Variants in UGT1A10 observed in about 807,000 individuals in gnomAD.
UGT1A10 encodes the protein UDP-glucuronosyltransferase 1A10.
Under a neutral mutation model 45.8 loss-of-function variants are expected in UGT1A10, and 49 were observed. The ratio of observed to expected loss-of-function variants is 1.07; its 90% CI spans 0.85 to 1.36. The LOEUF is 1.36. Ranked by LOEUF, UGT1A10 falls within the 40% of genes most tolerant of loss-of-function variation. The pLI, the probability that UGT1A10 is intolerant of heterozygous loss-of-function variation, is 0.00. For synonymous variants in UGT1A10, 284 were observed against 249.7 expected (o/e 1.14, Z -1.29); for missense variants, 745 against 668.6 (o/e 1.11, Z -1.26).
At chr2:233,688,707 CAA>C (rs2074910962) in intron 1 of UGT1A10, among the ~76,000 whole-genome samples, 1 of 152,136 alleles carries the variant, frequency 6.6e-6, no homozygotes, top group South Asian at 2.1e-4. Flanking sequence ...CTTCATTGAA[CAA>C]ATATCTGTTG....
chr2:233,747,536 G>T (rs1693706230), intron 1 of UGT1A10: 1 of 1,605,072 alleles, frequency 6.2e-7, no homozygotes, highest in Non-Finnish European at 8.5e-7. Flanking sequence ...ATTTTCTGAA[G>T]ACATTTTCTA....
chr2:233,661,153 C>T (rs2073955632), intron 1 of UGT1A10, among the ~76,000 whole-genome samples: 1 of 145,632 alleles, frequency 6.9e-6, no homozygotes. Flanking sequence ...GATGTAATGA[C>T]TCTAGTTTCA....
At chr2:233,659,382 T>C (rs1268857849) in intron 1 of UGT1A10, among the ~76,000 whole-genome samples, 1 of 152,208 alleles carries the variant, frequency 6.6e-6, no homozygotes, top group Non-Finnish European at 1.5e-5. Flanking sequence ...TTTGATATGC[T>C]TTATGTGTTA....
chr2:233,640,413 A>C (rs1253320908), intron 1 of UGT1A10, among the ~76,000 whole-genome samples: 1 of 152,078 alleles, frequency 6.6e-6, no homozygotes, highest in Non-Finnish European at 1.5e-5. Flanking sequence ...AATAAGTAAA[A>C]TTTGTTACAC....
At chr2:233,654,246 T>C (rs1199731420) in intron 1 of UGT1A10, among the ~76,000 whole-genome samples, 2 of 152,200 alleles carry the variant, frequency 1.3e-5, no homozygotes, top group Non-Finnish European at 2.9e-5. Context: ...ATTGTGATTT[T>C]TGGGATTTTA....
chr2:233,698,597 G>A (rs966031058), intron 1 of UGT1A10, among the ~76,000 whole-genome samples: 17 of 152,070 alleles, frequency 1.1e-4, no homozygotes, highest in African/African-American at 3.1e-4. Context: ...CAAGAAATTC[G>A]GATTAATAAA....
rs961447661 is a variant in UGT1A10 at position 233,681,811 on chromosome 2, A to G, written c.855+44434A>G. ...AGTAAATCATTGGCAGTGAATGTGA[A>G]TTTTTTTTTAAATGAATGAATAAGT... On this transcript the variant is annotated intron_variant, in intron 1 of 4. Transcript: ENST00000344644. 4.0e-6 allele frequency: 6 copies of G among 1,488,146 alleles called. No individual in the cohort carries two copies. In the Admixed American group the frequency reaches 1.4e-4, roughly 35 times the overall value. The allele number at this position is 1,488,146 out of a possible 1,614,324, so 92.2% of individuals were successfully genotyped here.
At chr2:233,718,319 T>C (rs1258120850) in intron 1 of UGT1A10, among the ~76,000 whole-genome samples, 1 of 152,270 alleles carries the variant, frequency 6.6e-6, no homozygotes, top group Non-Finnish European at 1.5e-5. Flanking sequence ...TAGAGAAAGC[T>C]GGCTTAGCAA....
chr2:233,711,832 G>A (rs536118368), intron 1 of UGT1A10, among the ~76,000 whole-genome samples: 12 of 152,322 alleles, frequency 7.9e-5, no homozygotes, highest in Non-Finnish European at 1.8e-4. Context: ...AGGACAAGGA[G>A]GCGTCAGCAA....
At chr2:233,764,688 C>G (rs530219647) in intron 1 of UGT1A10, among the ~76,000 whole-genome samples, 2 of 152,144 alleles carry the variant, frequency 1.3e-5, no homozygotes, top group Non-Finnish European at 2.9e-5. Context: ...ACTTGAAGAG[C>G]ACTTGGAAAT....
chr2:233,661,314 C>T (rs1328978967), intron 1 of UGT1A10, among the ~76,000 whole-genome samples: 1 of 152,080 alleles, frequency 6.6e-6, no homozygotes, highest in East Asian at 1.9e-4. Flanking sequence ...GTGGGCTGTG[C>T]ACACCATGGT....
At chr2:233,699,324 G>C (rs2075498732) in intron 1 of UGT1A10, among the ~76,000 whole-genome samples, 1 of 152,040 alleles carries the variant, frequency 6.6e-6, no homozygotes, top group Non-Finnish European at 1.5e-5. Context: ...CTATTTTGTT[G>C]AGTTTCATCC....
At chr2:233,765,900 A>G (rs1255156851) in intron 1 of UGT1A10, among the ~76,000 whole-genome samples, 1 of 152,060 alleles carries the variant, frequency 6.6e-6, no homozygotes, top group Non-Finnish European at 1.5e-5. Flanking sequence ...GCCACTGCTC[A>G]AACCTCTAGG....
intron 1 of UGT1A10, among the ~76,000 whole-genome samples, chr2:233,704,562 T>C (rs1206655848): frequency 6.6e-6 from 1 of 152,186 alleles, no homozygotes; most frequent in Admixed American, 6.5e-5. Flanking sequence ...TTTATATAAA[T>C]ACACATGCTT....
chr2:233,771,841 C>T (rs1700397789), intron 4 of UGT1A10, among the ~76,000 whole-genome samples: 1 of 147,174 alleles, frequency 6.8e-6, no homozygotes, highest in South Asian at 2.4e-4. Flanking sequence ...CCTTCTCTTC[C>T]TTCTTTTTCA....
chr2:233,704,265 T>C (rs2075777085), intron 1 of UGT1A10, among the ~76,000 whole-genome samples: 1 of 151,460 alleles, frequency 6.6e-6, no homozygotes, highest in African/African-American at 2.4e-5. Flanking sequence ...GCTTTTTTTT[T>C]TTTTTTGCAT....
rs1559317931 is a variant in UGT1A10, at chr2:233,636,642, C to T, written c.120C>T (p.Thr40=). 2 of 1,614,098 alleles carry T rather than the reference C, an allele frequency of 1.2e-6. No homozygotes were observed. The highest frequency in any genetic ancestry group is 1.7e-5 in the Admixed American group (1 of 60,020). ...VVPMDGSHWF[T]MQSVVEKLIL... ...CCATGGATGGGAGTCACTGGTTCAC[C>T]ATGCAGTCGGTGGTGGAGAAACTTA... Residue 40 remains threonine (T), a synonymous_variant, in exon 1 of 5, where the codon ACC becomes ACT. Coordinates refer to ENST00000344644, the MANE Select transcript of UGT1A10 (RefSeq NM_019075.4).
At chr2:233,712,897 T>C in intron 1 of UGT1A10, 1 of 1,607,966 alleles carries the variant, frequency 6.2e-7, no homozygotes, top group Non-Finnish European at 8.5e-7. Context: ...GTTGATTTGC[T>C]AGGTGTCTCA....
At chr2:233,671,451 G>C (rs1374090524) in intron 1 of UGT1A10, among the ~76,000 whole-genome samples, 1 of 152,172 alleles carries the variant, frequency 6.6e-6, no homozygotes, top group Non-Finnish European at 1.5e-5. Flanking sequence ...AATTTAGGAG[G>C]TTAGGAGGTC....
Sources: allele counts gnomAD v4.1 joint callset (sites outside exome capture counted in the v4.1 genomes callset), GRCh38; gene constraint gnomAD v4.1.1; transcripts MANE v1.5; gene names NCBI Gene and HGNC (gene_info 2026-07-23, HGNC 2026-07-21).